The following SIPA1L1 variants were observed in gnomAD, a reference collection of about 807,000 sequenced individuals.
SIPA1L1 encodes the protein signal-induced proliferation-associated 1-like protein 1.
Under a neutral mutation model 162.7 loss-of-function variants are expected in SIPA1L1, and 26 were observed. That is an observed-to-expected ratio of 0.16 (90% confidence interval 0.12 to 0.22). The LOEUF (loss-of-function observed/expected upper bound fraction) is 0.22. Among genes scored for constraint, SIPA1L1 ranks in the 10% least tolerant of loss-of-function variants. The pLI is 1.00. For missense variants in SIPA1L1, 1,874 were observed against 2,241.0 expected, an observed-to-expected ratio of 0.84 and a Z score of 3.31; for synonymous variants, 829 against 837.4, an observed-to-expected ratio of 0.99 and a Z score of 0.17.
chr14:71,544,666 C>T lies in SIPA1L1; in HGVS notation c.-303+15296C>T, dbSNP rs1212120876. The stretch of plus-strand genomic sequence containing the variant: ...GAAATGAAACAACTGTTAAGGTTTA[C>T]TTGCACTGTTTTCCTGTTTCTATCT... On this transcript the variant is annotated intron_variant, in intron 4 of 23. Coordinates refer to ENST00000381232, the MANE Select transcript of SIPA1L1 (RefSeq NM_001386936.1). Among the ~76,000 whole-genome samples the T allele has an allele frequency of 4.6e-5, 7 of 151,964 alleles. No individual in the cohort carries two copies. In the East Asian group the frequency reaches 1.3e-3, roughly 29 times the overall value.
intron 18 of SIPA1L1, 35 bp from the exon 19 acceptor site, chr14:71,724,635 G>C: frequency 6.3e-7 from 1 of 1,591,480 alleles, no homozygotes. Context: ...GCCTTGTTGA[G>C]TTGGTATCTA....
intron 13 of SIPA1L1, among the ~76,000 whole-genome samples, chr14:71,686,887 T>C (rs1385820170): frequency 6.6e-6 from 1 of 152,162 alleles, no homozygotes; most frequent in Non-Finnish European, 1.5e-5. Flanking sequence ...GCCTGACTCA[T>C]CTGAGTGGCA....
At position 71,709,426 on chromosome 14, in the gene SIPA1L1, G is replaced by T. The variant is rs200234424; in HGVS notation, c.3970G>T (p.Ala1324Ser). ...PSHGSTASLGAATSSPRSGPG... is the reference protein window; with the variant it reads ...PSHGSTASLGSATSSPRSGPG... ...CCACGGCAGCACAGCCTCGCTGGGG[G>T]CTGCCACATCGTCACCTCGCTCAGG... The change falls in exon 17 of 24, where the codon GCT becomes TCT. Residue 1324 changes from alanine (A) to serine (S), a missense_variant. By Grantham distance (99) the Ala-to-Ser change is moderately conservative. Coordinates refer to ENST00000381232, the MANE Select transcript of SIPA1L1 (RefSeq NM_001386936.1). The T allele has an allele frequency of 6.2e-7, 1 of 1,613,532 alleles. No individual in the cohort carries two copies. Among genetic ancestry groups the T allele is most frequent in the South Asian group, 1.1e-5 (1 of 91,086 alleles).
intron 2 of SIPA1L1, among the ~76,000 whole-genome samples, chr14:71,381,203 C>T (rs2039867232): frequency 6.6e-6 from 1 of 152,140 alleles, no homozygotes; most frequent in Non-Finnish European, 1.5e-5. Flanking sequence ...CAGGTGCCCA[C>T]CACGGTGCCC....
intron 2 of SIPA1L1, among the ~76,000 whole-genome samples, chr14:71,419,076 T>A (rs1327261023): frequency 2.0e-5 from 3 of 152,130 alleles, no homozygotes; most frequent in Non-Finnish European, 4.4e-5. Flanking sequence ...AGCAGGGGTG[T>A]TTCCTGAACC....
chr14:71,644,190 A>T (rs2041962601), intron 7 of SIPA1L1, among the ~76,000 whole-genome samples: 1 of 151,934 alleles, frequency 6.6e-6, no homozygotes, highest in Admixed American at 6.6e-5. Context: ...TAAATGAAAA[A>T]TTCATTGACT....
intron 8 of SIPA1L1, among the ~76,000 whole-genome samples, chr14:71,657,177 G>A (rs548369149): frequency 2.0e-4 from 31 of 151,966 alleles, no homozygotes; most frequent in African/African-American, 5.8e-4. Context: ...GTGAAACCCC[G>A]TCTCTACTAA....
At chr14:71,452,820 G>C (rs1387848258) in intron 2 of SIPA1L1, among the ~76,000 whole-genome samples, 1 of 152,142 alleles carries the variant, frequency 6.6e-6, no homozygotes, top group African/African-American at 2.4e-5. Context: ...CTTCCCCTCT[G>C]GGGAGATCTT....
chr14:71,508,834 A>G lies in SIPA1L1; in HGVS notation c.-464-3909A>G, dbSNP rs1197388356. On this transcript the variant is annotated intron_variant, in intron 2 of 23. Transcript: ENST00000381232. ...TTTCATGGGATGAGTAGCGATTGTCATAGATTTATTTGTAGTAAGTGGTAG... is the reference window on the plus strand; with the variant it reads ...TTTCATGGGATGAGTAGCGATTGTCGTAGATTTATTTGTAGTAAGTGGTAG... Among the ~76,000 whole-genome samples, 3 of 152,202 alleles carry G rather than the reference A, an allele frequency of 2.0e-5. No homozygotes were observed. The East Asian group carries it at 5.8e-4, about 29-fold the overall frequency.
At chr14:71,417,016 G>A (rs1287202745) in intron 2 of SIPA1L1, among the ~76,000 whole-genome samples, 4 of 151,936 alleles carry the variant, frequency 2.6e-5, no homozygotes, top group African/African-American at 9.7e-5. Flanking sequence ...CTCCTGAAGT[G>A]CTTGGAATAA....
chr14:71,343,918 A>G (rs1032226113), intron 2 of SIPA1L1, among the ~76,000 whole-genome samples: 8 of 152,238 alleles, frequency 5.3e-5, no homozygotes, highest in African/African-American at 1.7e-4. Flanking sequence ...CTTTTCTCAG[A>G]TACTAATCTA....
intron 2 of SIPA1L1, among the ~76,000 whole-genome samples, chr14:71,348,133 A>G (rs1051308350): frequency 2.0e-5 from 3 of 152,212 alleles, no homozygotes; most frequent in African/African-American, 7.2e-5. Context: ...ATCCACATCA[A>G]GTATGCAAAC....
At chr14:71,423,608 A>G (rs1463873032) in intron 2 of SIPA1L1, among the ~76,000 whole-genome samples, 1 of 152,180 alleles carries the variant, frequency 6.6e-6, no homozygotes, top group Non-Finnish European at 1.5e-5. Context: ...TCTTGTCAAA[A>G]ATCATTTCAC....
In SIPA1L1 at chr14:71,643,838, C is replaced by T. The variant is rs1057215067; in HGVS notation, c.1819-6497C>T. Among the ~76,000 whole-genome samples, 5 of 152,170 alleles carry T rather than the reference C, an allele frequency of 3.3e-5. No individual in the cohort carries two copies. In the East Asian group the frequency reaches 9.6e-4, roughly 29 times the overall value. ...GTTTTTTTCTTTTGAAATGGAGTCT[C>T]ACTCTGTCGCCCAGGCTGGAGTGCA... On this transcript the variant is annotated intron_variant, in intron 7 of 23. Transcript: ENST00000381232.
chr14:71,515,275 C>T (rs1042442561), intron 3 of SIPA1L1, among the ~76,000 whole-genome samples: 12 of 152,198 alleles, frequency 7.9e-5, no homozygotes, highest in African/African-American at 1.2e-4. Flanking sequence ...AGCAAAATTA[C>T]GGCTTAATAA....
intron 2 of SIPA1L1, among the ~76,000 whole-genome samples, chr14:71,420,526 C>A (rs2140567487): frequency 6.6e-6 from 1 of 152,312 alleles, no homozygotes; most frequent in Non-Finnish European, 1.5e-5. Flanking sequence ...AAGTAAAAAT[C>A]ACCTAATTCC....
chr14:71,676,406 A>T (rs2045187186), intron 12 of SIPA1L1, among the ~76,000 whole-genome samples: 2 of 151,910 alleles, frequency 1.3e-5, no homozygotes, highest in Admixed American at 6.5e-5. Flanking sequence ...TTTTTAAGAG[A>T]AGAAAGGACA....
chr14:71,439,042 A>G (rs1007106505), intron 2 of SIPA1L1, among the ~76,000 whole-genome samples: 4 of 152,138 alleles, frequency 2.6e-5, no homozygotes, highest in African/African-American at 9.7e-5. Context: ...TTAGCTGAAG[A>G]GAGCCTTTCC....
intron 2 of SIPA1L1, among the ~76,000 whole-genome samples, chr14:71,445,088 A>G (rs1275130246): frequency 6.6e-6 from 1 of 152,250 alleles, no homozygotes; most frequent in Non-Finnish European, 1.5e-5. Flanking sequence ...ACATGTTCAT[A>G]TGAAATAATT....
Sources: allele counts gnomAD v4.1 joint callset (sites outside exome capture counted in the v4.1 genomes callset), GRCh38; gene constraint gnomAD v4.1.1; transcripts MANE v1.5; gene names NCBI Gene and HGNC (gene_info 2026-07-23, HGNC 2026-07-21).